ADAMTS7: variants seen among roughly 807,000 people sequenced by gnomAD.
ADAMTS7 encodes ADAM metallopeptidase with thrombospondin type 1 motif 7.
In ADAMTS7, 89 loss-of-function variants were observed where a neutral mutation model predicts 172.6. The observed-to-expected ratio is 0.52, with a 90% CI of 0.43 to 0.61. ADAMTS7 has a LOEUF of 0.61. ADAMTS7 is among the 20% of genes least tolerant of loss of function. The pLI, the probability that ADAMTS7 is intolerant of heterozygous loss-of-function variation, is 0.00. For synonymous variants in ADAMTS7, 885 were observed against 978.4 expected, an observed-to-expected ratio of 0.90 and a Z score of 1.78; for missense variants, 1,973 against 2,355.6, an observed-to-expected ratio of 0.84 and a Z score of 3.36.
At position 78,771,085 on chromosome 15, in the gene ADAMTS7, AG is replaced by A; in HGVS notation, c.2518+76del. 2 of 1,472,422 alleles carry A rather than the reference AG, an allele frequency of 1.4e-6. No homozygotes were observed. The highest frequency in any genetic ancestry group is 1.8e-6 in the Non-Finnish European group (2 of 1,096,872). 91.2% of individuals were successfully genotyped at this position (1,472,422 alleles called of 1,614,324 possible). ...CCAAACCCGTGGTGGCCCAGCAGTG[AG>A]CTGGGAGCTGAAGCCAGTGTCCCTG... On this transcript the variant is annotated intron_variant, in intron 16 of 23. Coordinates refer to ENST00000388820, the MANE Select transcript of ADAMTS7 (RefSeq NM_014272.5). This position sits in a 1 kb window ranked among gnomAD's most constrained non-coding sequence, Gnocchi z 4.9.
intron 2 of ADAMTS7, among the ~76,000 whole-genome samples, chr15:78,799,834 TTTC>T (rs2055694390): frequency 6.8e-6 from 1 of 146,622 alleles, no homozygotes; most frequent in African/African-American, 2.8e-5. Context: ...TTTTTCTTTC[TTTC>T]TTTTTTTTTT....
In ADAMTS7 at chr15:78,789,789, A is replaced by G; in HGVS notation, c.1078T>C (p.Ser360Pro). 6.2e-7 allele frequency: 1 copy of G among 1,609,336 alleles called. No homozygotes were observed. Among genetic ancestry groups the G allele is most frequent in the East Asian group, 2.2e-5 (1 of 44,686 alleles). ...MNRPCETLGL[S>P]HVAGMCQPHR... is the part of the protein sequence containing the mutation. ...GGCTGGCACATGCCCGCCACATGGGACAGTCCCAGGGTCTCACAGGGCCGG... is the reference window on the plus strand; with the variant it reads ...GGCTGGCACATGCCCGCCACATGGGGCAGTCCCAGGGTCTCACAGGGCCGG... The change falls in exon 7 of 24, where the codon TCC (serine) becomes CCC (proline). Residue 360 changes from serine (S) to proline (P), a missense_variant. Physicochemically the swap from Ser to Pro is moderately conservative, Grantham distance 74 (BLOSUM62 -1). Transcript: ENST00000388820.
At position 78,777,431 on chromosome 15, in the gene ADAMTS7, C is replaced by T. The variant is rs755223281; in HGVS notation, c.1467+13G>A. The T allele has an allele frequency of 1.4e-5, 22 of 1,609,928 alleles. No homozygotes were observed. The highest frequency in any genetic ancestry group is 5.0e-5 in the Admixed American group (3 of 59,684). ...GGTCCCCACACCCCCACACCCACAC[C>T]GGCCCCACTCACATCCATGTCCTCG... On this transcript the variant is annotated intron_variant, in intron 9 of 23. Coordinates refer to ENST00000388820, the MANE Select transcript of ADAMTS7 (RefSeq NM_014272.5).
intron 3 of ADAMTS7, among the ~76,000 whole-genome samples, chr15:78,797,173 T>C (rs2055656769): frequency 6.6e-6 from 1 of 152,094 alleles, no homozygotes; most frequent in Admixed American, 6.5e-5. Context: ...GCTTAGTGCA[T>C]CCCAACACAG....
Position 78,766,266 on chromosome 15 carries a change from A to G in ADAMTS7, c.3645T>C (p.Asn1215=), listed in dbSNP as rs937964634. The stretch of plus-strand genomic sequence containing the variant: ...GTTCCTCATCATCCTTGAAAACCTC[A>G]TTGGTCCTGTCCCGCCATGGAGGGG... ...QLPPPWRDRT[N]EVFKDDEEPK... Residue 1215 remains asparagine, a synonymous_variant, in exon 19 of 24, where the codon AAT becomes AAC. Transcript: ENST00000388820. The G allele has an allele frequency of 4.3e-6, 7 of 1,611,060 alleles. No homozygotes were observed. The highest frequency in any genetic ancestry group is 5.9e-6 in the Non-Finnish European group (7 of 1,179,464).
At position 78,774,646 on chromosome 15, in the gene ADAMTS7, T is replaced by G; in HGVS notation, c.1854A>C (p.Thr618=). 1 of 1,611,746 alleles carries G rather than the reference T, an allele frequency of 6.2e-7. No homozygotes were observed. The highest frequency in any genetic ancestry group is 1.7e-5 in the Admixed American group (1 of 60,008). ...CACCGTCATTGACCACGGGCACCCA[T>G]GTGTGCAGCTGGCCCTTGTAGAGCA... is the stretch of plus-strand genomic sequence containing the variant. ...DAMLYKGQLH[T]WVPVVNDVNP... Residue 618 remains threonine, a synonymous_variant, in exon 12 of 24, where the codon ACA becomes ACC. Transcript: ENST00000388820.
chr15:78,760,426 C>T (rs1381993761), intron 23 of ADAMTS7, among the ~76,000 whole-genome samples: 1 of 152,156 alleles, frequency 6.6e-6, no homozygotes, highest in Non-Finnish European at 1.5e-5. Flanking sequence ...GCAGCCAGCC[C>T]TGGGCCTGGG....
At position 78,790,663 on chromosome 15, in the gene ADAMTS7, G is replaced by A. The variant is rs2055566380; in HGVS notation, c.1028+7C>T. 1.2e-6 allele frequency: 2 copies of A among 1,613,318 alleles called. No individual in the cohort carries two copies. The highest frequency in any genetic ancestry group is 1.3e-5 in the African/African-American group (1 of 75,048). On this transcript the variant is annotated splice_region_variant and intron_variant, in intron 6 of 23. Transcript: ENST00000388820. ...TGCAGGCTCCCACCCTCCTGCGGCT[G>A]CAGTACCTGGTGAGCAGGATGGCAG...
Position 78,764,033 on chromosome 15 carries a change from G to A in ADAMTS7, c.4486C>T (p.Arg1496Trp), listed in dbSNP as rs1445018868. The A allele has an allele frequency of 3.1e-5, 48 of 1,540,496 alleles. No individual in the cohort carries two copies. The highest frequency in any genetic ancestry group is 4.1e-5 in the Non-Finnish European group (47 of 1,142,232). Reference protein sequence around the residue: ...DVQCVDTRDLRPLRPFHCQPG... With the variant: ...DVQCVDTRDLWPLRPFHCQPG... ...TGACAATGGAAGGGCCGCAGTGGCC[G>A]GAGGTCCCGTGTGTCCACACACTGC... The change falls in exon 21 of 24, where the codon CGG becomes TGG. Residue 1496 changes from arginine to tryptophan, a missense_variant. Coordinates refer to ENST00000388820, the MANE Select transcript of ADAMTS7 (RefSeq NM_014272.5).
chr15:78,783,296 GTCTC>G (rs1424489876), intron 8 of ADAMTS7, among the ~76,000 whole-genome samples: 1 of 152,088 alleles, frequency 6.6e-6, no homozygotes, highest in Non-Finnish European at 1.5e-5. Context: ...TTGAGACAGA[GTCTC>G]TCTCTGTTGC....
At chr15:78,795,269 G>A (rs2055628140) in intron 4 of ADAMTS7, among the ~76,000 whole-genome samples, 1 of 152,236 alleles carries the variant, frequency 6.6e-6, no homozygotes, top group South Asian at 2.1e-4. Flanking sequence ...CTGGCTGTTA[G>A]TGGCTCCCCT....
intron 11 of ADAMTS7, among the ~76,000 whole-genome samples, chr15:78,775,557 A>AC (rs1330330496): frequency 0.012 from 1,709 of 147,296 alleles, 17 homozygotes; most frequent in Middle Eastern, 0.052. Context: ...CTGCACCCCC[A>AC]CCCCCCCGTT....
chr15:78,777,404 C>G, intron 9 of ADAMTS7, 40 bp downstream of exon 9: 1 of 1,598,200 alleles, frequency 6.3e-7, no homozygotes, highest in Non-Finnish European at 8.5e-7. Context: ...GCCCTCCTGC[C>G]GGGTCCCCAC....
At chr15:78,786,205 C>T (rs1345161717) in intron 8 of ADAMTS7, among the ~76,000 whole-genome samples, 1 of 152,074 alleles carries the variant, frequency 6.6e-6, no homozygotes, top group Non-Finnish European at 1.5e-5. Context: ...GCTGGGATTA[C>T]AGGCATAAGC....
At chr15:78,774,033 G>A (rs1485317203) in intron 13 of ADAMTS7, 134 bp downstream of exon 13, 106 of 1,404,912 alleles carry the variant, frequency 7.5e-5, no homozygotes, top group Non-Finnish European at 9.4e-5. Context: ...GGAGGACCAG[G>A]AGGGACCCAG....
At position 78,764,603 on chromosome 15, in the gene ADAMTS7, G is replaced by A. The variant is rs1229374942; in HGVS notation, c.4371C>T (p.Arg1457=). ...APAGRPQPAR[R]CHLRPCATWH... ...AGGTGGCACAGGGCCGCAGGTGGCA[G>A]CGGCGGGCAGGCTGGGGCCGGCCAG... Residue 1457 remains arginine, a synonymous_variant, in exon 20 of 24, where the codon CGC becomes CGT. Coordinates refer to ENST00000388820, the MANE Select transcript of ADAMTS7 (RefSeq NM_014272.5). 1 of 1,556,570 alleles carries A rather than the reference G, an allele frequency of 6.4e-7. No individual in the cohort carries two copies. The highest frequency in any genetic ancestry group is 2.3e-5 in the East Asian group (1 of 42,694).
intron 1 of ADAMTS7, among the ~76,000 whole-genome samples, chr15:78,806,768 A>G (rs1300655205): frequency 2.0e-5 from 3 of 151,896 alleles, no homozygotes; most frequent in Non-Finnish European, 4.4e-5. Flanking sequence ...TGTTTTGTTT[A>G]TGTTTTTGTT....
At chr15:78,807,847 A>G (rs990306532) in intron 1 of ADAMTS7, among the ~76,000 whole-genome samples, 1 of 151,800 alleles carries the variant, frequency 6.6e-6, no homozygotes, top group African/African-American at 2.4e-5. Context: ...AAACAAAACA[A>G]AAAACATGTT....
At chr15:78,776,723 C>T (rs1238408103) in intron 10 of ADAMTS7, 26 bp downstream of exon 10, 2 of 1,539,766 alleles carry the variant, frequency 1.3e-6, no homozygotes, top group East Asian at 4.9e-5. Context: ...CACACACCCA[C>T]TGCCGGGACT....
Sources: allele counts gnomAD v4.1 joint callset (sites outside exome capture counted in the v4.1 genomes callset), GRCh38; gene constraint gnomAD v4.1.1; non-coding constraint Gnocchi (gnomAD v3.1); transcripts MANE v1.5; gene names NCBI Gene and HGNC (gene_info 2026-07-23, HGNC 2026-07-21).